GABRA3: variants seen among roughly 807,000 people sequenced by gnomAD.
The protein encoded by GABRA3 is gamma-aminobutyric acid receptor subunit alpha-3.
In GABRA3, 10 loss-of-function variants were observed where a neutral mutation model predicts 30.1. That is an observed-to-expected ratio of 0.33 (90% CI 0.20 to 0.56). GABRA3 has a LOEUF of 0.56. GABRA3 is among the 20% of genes least tolerant of loss of function. The probability of loss-of-function intolerance (pLI) is 0.89; values close to 1 mark genes in which losing one functional copy is unlikely to be tolerated. For synonymous variants in GABRA3, 151 were observed against 146.8 expected (o/e 1.03, Z -0.21); for missense variants, 233 against 392.0 (o/e 0.59, Z 3.42).
At chrX:152,215,506 T>G (rs780633517) in intron 6 of GABRA3, among the ~76,000 whole-genome samples, 8 of 111,326 alleles carry the variant, frequency 7.2e-5, no homozygotes, top group African/African-American at 2.6e-4. Context: ...TGAATCCCAC[T>G]TGTCTTTTCA....
intron 1 of GABRA3, among the ~76,000 whole-genome samples, chrX:152,419,497 C>CA (rs1213796443): frequency 9.1e-6 from 1 of 110,334 alleles, no homozygotes; most frequent in African/African-American, 3.3e-5. Flanking sequence ...GACTTTATGC[C>CA]AAAAAACATG....
At chrX:152,265,966 C>CAGG (rs778121298) in intron 4 of GABRA3, among the ~76,000 whole-genome samples, 1 of 111,062 alleles carries the variant, frequency 9.0e-6, no homozygotes, top group African/African-American at 3.3e-5. Flanking sequence ...AGACCAATAA[C>CAGG]AGGTAATGTG....
rs1234489960 is a variant in GABRA3, at chrX:152,177,121, G to A, written c.1144-8558C>T. Among the ~76,000 whole-genome samples, 3 of 111,857 alleles carry A rather than the reference G, an allele frequency of 2.7e-5. No individual in the cohort carries two copies. The Admixed American group carries it at 2.9e-4, about 11-fold the overall frequency. ...TGAAAGCAGTACTGGGGATTAAGAC[G>A]ATGTAAACTACACTTCTGGAAAATG... On this transcript the variant is annotated intron_variant, in intron 9 of 9. Coordinates refer to ENST00000370314, the MANE Select transcript of GABRA3 (RefSeq NM_000808.4).
At position 152,299,446 on chromosome X, in the gene GABRA3, G is replaced by A. The variant is rs978531554; in HGVS notation, c.263-14711C>T. On this transcript the variant is annotated intron_variant, in intron 3 of 9. Coordinates refer to ENST00000370314, the MANE Select transcript of GABRA3 (RefSeq NM_000808.4). The stretch of plus-strand genomic sequence containing the variant: ...GGTTGGGATAAGCGGGGAAGCAGGG[G>A]GAAGGTACAATGGCATACAAAGACA... Among the ~76,000 whole-genome samples, 9 of 110,597 alleles carry A rather than the reference G, an allele frequency of 8.1e-5. No homozygotes were observed. In the Admixed American group the frequency reaches 8.7e-4, roughly 11 times the overall value.
chrX:152,308,411 G>A (rs1939751337), intron 3 of GABRA3, among the ~76,000 whole-genome samples: 2 of 112,152 alleles, frequency 1.8e-5, no homozygotes, highest in Non-Finnish European at 3.8e-5. Context: ...GTTATTGCTG[G>A]CAGATCAGGA....
rs1386953549 is a variant in GABRA3 at position 152,315,981 on chromosome X, C to A, written c.262+29600G>T. ...TAGGCCCGCCCCCCGACCCCCCCCCCCCCCACCACATGATCCTCTCCTGTA... is the reference window on the plus strand; with the variant it reads ...TAGGCCCGCCCCCCGACCCCCCCCCACCCCACCACATGATCCTCTCCTGTA... On this transcript the variant is annotated intron_variant, in intron 3 of 9. Coordinates refer to ENST00000370314, the MANE Select transcript of GABRA3 (RefSeq NM_000808.4). 2.5e-4 allele frequency among the ~76,000 whole-genome samples: 22 copies of A among 87,367 alleles called. 1 individual carries two copies. Among genetic ancestry groups the A allele is most frequent in the African/African-American group, 8.6e-4 (20 of 23,219 alleles). 75.9% of individuals were successfully genotyped at this position (87,367 alleles called of 115,157 possible).
rs192863780 is a variant in GABRA3, at chrX:152,418,714, A to C, written c.-27+32432T>G. On this transcript the variant is annotated intron_variant, in intron 1 of 9. Transcript: ENST00000370314. The stretch of plus-strand genomic sequence containing the variant: ...TAAAAAATCTGTAATAAAGAGGCCC[A>C]GCAAATACAAAAGTTGGTTGATTCC... 3.9e-3 allele frequency among the ~76,000 whole-genome samples: 440 copies of C among 112,106 alleles called. 1 individual carries two copies. The highest frequency in any genetic ancestry group is 6.8e-3 in the Non-Finnish European group (361 of 53,190).
chrX:152,199,450 A>G (rs917920195), intron 7 of GABRA3, among the ~76,000 whole-genome samples: 1 of 107,286 alleles, frequency 9.3e-6, no homozygotes, highest in Admixed American at 1.0e-4. Flanking sequence ...GATTACAGCC[A>G]CCACCAGAAA....
intron 9 of GABRA3, among the ~76,000 whole-genome samples, chrX:152,170,043 A>G (rs1212408741): frequency 1.8e-5 from 2 of 112,138 alleles, no homozygotes; most frequent in Admixed American, 9.5e-5. Flanking sequence ...TATGCTAGGT[A>G]CTTAGAGATA....
chrX:152,348,290 A>T (rs1378074873), intron 2 of GABRA3, among the ~76,000 whole-genome samples: 1 of 111,263 alleles, frequency 9.0e-6, no homozygotes, highest in Non-Finnish European at 1.9e-5. Context: ...CTCTCCCTTC[A>T]TTTTACACAT....
chrX:152,272,582 T>C (rs1489581810), intron 4 of GABRA3, among the ~76,000 whole-genome samples: 2 of 111,731 alleles, frequency 1.8e-5, no homozygotes, highest in Admixed American at 9.5e-5. Context: ...GAGTTAATAA[T>C]TTGGGGGACT....
chrX:152,202,822 A>C (rs1254037802), intron 7 of GABRA3, among the ~76,000 whole-genome samples: 1 of 112,511 alleles, frequency 8.9e-6, no homozygotes, highest in Non-Finnish European at 1.9e-5. Flanking sequence ...GCAGCTCCTA[A>C]AAAATGTAGG....
chrX:152,180,883 G>T (rs920045326), intron 9 of GABRA3, among the ~76,000 whole-genome samples: 6 of 111,921 alleles, frequency 5.4e-5, no homozygotes, highest in Admixed American at 9.5e-5. Context: ...TCTCTATTGT[G>T]TTAAATTGCT....
At chrX:152,368,330 C>A (rs1041663303) in intron 1 of GABRA3, among the ~76,000 whole-genome samples, 5 of 111,736 alleles carry the variant, frequency 4.5e-5, no homozygotes, top group Non-Finnish European at 9.4e-5. Flanking sequence ...CCATTCTACT[C>A]TCTGCTTCTG....
chrX:152,350,604 C>A (rs952026645), intron 2 of GABRA3, among the ~76,000 whole-genome samples: 1 of 111,569 alleles, frequency 9.0e-6, no homozygotes. Context: ...ACTGAAGTCT[C>A]GAACCCCTCA....
At position 152,213,950 on chromosome X, in the gene GABRA3, G is replaced by T. The variant is rs776005468; in HGVS notation, c.635-5806C>A. Among the ~76,000 whole-genome samples, 65 of 110,981 alleles carry T rather than the reference G, an allele frequency of 5.9e-4. 1 individual carries two copies. The highest frequency in any genetic ancestry group is 3.4e-4 in the Non-Finnish European group (18 of 52,835). ...TTTTTTTTATTTTTATAGATTTGGA[G>T]AGTACAAGTGCAGTTTTGTTAAACT... On this transcript the variant is annotated intron_variant, in intron 6 of 9. Coordinates refer to ENST00000370314, the MANE Select transcript of GABRA3 (RefSeq NM_000808.4).
intron 9 of GABRA3, among the ~76,000 whole-genome samples, chrX:152,173,728 C>T (rs903139570): frequency 1.3e-4 from 14 of 111,038 alleles, no homozygotes; most frequent in Admixed American, 1.1e-3. Context: ...TCTCAGCCTC[C>T]CAAAGTGCTG....
chrX:152,369,969 T>G (rs1928789387), intron 1 of GABRA3, among the ~76,000 whole-genome samples: 1 of 111,756 alleles, frequency 8.9e-6, no homozygotes, highest in Non-Finnish European at 1.9e-5. Flanking sequence ...CCTGCCAGAC[T>G]GAAAGGTTAC....
At chrX:152,404,694 C>T (rs1273929290) in intron 1 of GABRA3, among the ~76,000 whole-genome samples, 3 of 107,742 alleles carry the variant, frequency 2.8e-5, no homozygotes, top group Non-Finnish European at 3.8e-5. Context: ...AGACCCCAAA[C>T]CCTTTCAACC....
Sources: gnomAD v4.1 joint callset for allele counts (sites outside exome capture counted in the v4.1 genomes callset) on GRCh38, gnomAD v4.1.1 for gene constraint, MANE v1.5 for transcripts, NCBI Gene and HGNC (gene_info 2026-07-23, HGNC 2026-07-21) for gene names.